Variants in NELL2 observed in about 807,000 individuals in gnomAD.
The protein encoded by NELL2 is neural EGFL like 2.
In NELL2, 41 loss-of-function variants were observed where a neutral mutation model predicts 109.6. The ratio of observed to expected loss-of-function variants is 0.37; its 90% confidence interval spans 0.29 to 0.49. The LOEUF (loss-of-function observed/expected upper bound fraction) is 0.49, where lower values mean the gene tolerates loss of function less well. Among genes scored for constraint, NELL2 ranks in the 20% least tolerant of loss-of-function variants. The probability of loss-of-function intolerance (pLI) is 0.98; values close to 1 mark genes in which losing one functional copy is unlikely to be tolerated. For synonymous variants in NELL2, 355 were observed against 344.7 expected, an observed-to-expected ratio of 1.03 and a Z score of -0.33; for missense variants, 900 against 1,008.3, an observed-to-expected ratio of 0.89 and a Z score of 1.45.
intron 13 of NELL2, among the ~76,000 whole-genome samples, chr12:44,645,409 G>A (rs914928623): frequency 1.3e-5 from 2 of 152,188 alleles, no homozygotes; most frequent in African/African-American, 4.8e-5. Context: ...ACAAAGACAA[G>A]GGTGTGGATT....
At chr12:44,866,398 G>A (rs1945001084) in intron 2 of NELL2, among the ~76,000 whole-genome samples, 1 of 151,992 alleles carries the variant, frequency 6.6e-6, no homozygotes, top group African/African-American at 2.4e-5. Flanking sequence ...GAAGGAAAGG[G>A]GAAATTAGGG....
intron 15 of NELL2, among the ~76,000 whole-genome samples, chr12:44,589,288 A>G (rs990844692): frequency 2.6e-5 from 4 of 151,954 alleles, no homozygotes; most frequent in African/African-American, 9.7e-5. Flanking sequence ...CAGAACTGCT[A>G]GGCAACAAAA....
At position 44,893,971 on chromosome 12, in the gene NELL2, G is replaced by C. The variant is rs534153223; in HGVS notation, c.39-18071C>G. Among the ~76,000 whole-genome samples, 18 of 152,034 alleles carry C rather than the reference G, an allele frequency of 1.2e-4. No homozygotes were observed. In the South Asian group the frequency reaches 3.7e-3, roughly 32 times the overall value. The stretch of plus-strand genomic sequence containing the variant: ...AAAATTAAATTCTAGAAAAATAAAC[G>C]AAAAAGACATACAAACTCAACAGAC... On this transcript the variant is annotated intron_variant, in intron 1 of 20. Transcript: ENST00000333837.
At chr12:44,637,224 G>C (rs1485569891) in intron 13 of NELL2, among the ~76,000 whole-genome samples, 2 of 151,068 alleles carry the variant, frequency 1.3e-5, no homozygotes, top group Non-Finnish European at 2.9e-5. Context: ...ATTTTTGAAG[G>C]GTTTTTTGTG....
In NELL2 at chr12:44,719,543, C is replaced by G. The variant is rs559202723; in HGVS notation, c.995-4802G>C. On this transcript the variant is annotated intron_variant, in intron 9 of 19. Transcript: ENST00000429094. Reference sequence around the variant, plus strand: ...TTAAACTTCCCAGTTGGTACCAATACCTTTAAAAATGATTCCTTACAAAAT... The same window carrying G: ...TTAAACTTCCCAGTTGGTACCAATAGCTTTAAAAATGATTCCTTACAAAAT... Among the ~76,000 whole-genome samples, 5 of 152,214 alleles carry G rather than the reference C, an allele frequency of 3.3e-5. No individual in the cohort carries two copies. In the South Asian group the frequency reaches 1.0e-3, roughly 32 times the overall value.
At chr12:44,840,355 G>A (rs1031439536) in intron 2 of NELL2, among the ~76,000 whole-genome samples, 4 of 152,112 alleles carry the variant, frequency 2.6e-5, no homozygotes, top group African/African-American at 7.2e-5. Context: ...CCTTTCTAAA[G>A]GGCCACTATA....
At chr12:44,540,796 A>AAAAAAAAAAAAAAAAAAAC in intron 15 of NELL2, among the ~76,000 whole-genome samples, 1 of 150,330 alleles carries the variant, frequency 6.7e-6, no homozygotes, top group Non-Finnish European at 1.5e-5. Flanking sequence ...AAAAAAAAAA[A>AAAAAAAAAAAAAAAAAAAC]AAGCCCATCC....
In NELL2 at chr12:44,773,914, C is replaced by T. The variant is rs181241665; in HGVS notation, c.994+833G>A. Among the ~76,000 whole-genome samples, 1,132 of 143,752 alleles carry T rather than the reference C, an allele frequency of 7.9e-3. 11 individuals are homozygous for T. The highest frequency in any genetic ancestry group is 0.044 in the South Asian group (196 of 4,426). 94.3% of individuals were successfully genotyped at this position (143,752 alleles called of 152,430 possible). ...ATTGCTACTGTCTTTCTCTCCACCC[C>T]GCCGCCACTTCTCCCTACTTTGTCT... On this transcript the variant is annotated intron_variant, in intron 9 of 19. Transcript: ENST00000429094.
At chr12:44,681,922 G>T (rs980491180) in intron 12 of NELL2, among the ~76,000 whole-genome samples, 16 of 151,544 alleles carry the variant, frequency 1.1e-4, no homozygotes, top group African/African-American at 3.4e-4. Context: ...TAGTCCTTTG[G>T]GTATATACCC....
intron 10 of NELL2, among the ~76,000 whole-genome samples, chr12:44,712,191 T>C (rs1293205243): frequency 6.6e-6 from 1 of 152,054 alleles, no homozygotes; most frequent in Non-Finnish European, 1.5e-5. Context: ...AAATAACTCT[T>C]GGAACTTGCA....
chr12:44,886,428 A>G (rs1332804254), intron 1 of NELL2, among the ~76,000 whole-genome samples: 8 of 152,064 alleles, frequency 5.3e-5, no homozygotes, highest in African/African-American at 1.9e-4. Context: ...ATATTAAAGG[A>G]CTTGTATTCA....
At chr12:44,744,828 A>T (rs999684826) in intron 9 of NELL2, among the ~76,000 whole-genome samples, 1 of 152,316 alleles carries the variant, frequency 6.6e-6, no homozygotes, top group Non-Finnish European at 1.5e-5. Flanking sequence ...ACCAACCAAA[A>T]CAAGTCCAGG....
At chr12:44,713,215 C>CACACAGAG (rs1452907003) in intron 10 of NELL2, among the ~76,000 whole-genome samples, 11 of 143,208 alleles carry the variant, frequency 7.7e-5, no homozygotes, top group South Asian at 2.2e-4. Flanking sequence ...CACACACACA[C>CACACAGAG]AGAGAGAGAC....
chr12:44,526,930 G>A (rs1195363967), intron 16 of NELL2, among the ~76,000 whole-genome samples: 1 of 152,168 alleles, frequency 6.6e-6, no homozygotes, highest in Non-Finnish European at 1.5e-5. Context: ...TTCTCAAAAA[G>A]AGCCCTTCAT....
intron 12 of NELL2, among the ~76,000 whole-genome samples, chr12:44,675,181 G>T (rs1487786257): frequency 6.6e-6 from 1 of 152,168 alleles, no homozygotes; most frequent in Non-Finnish European, 1.5e-5. Flanking sequence ...AAACAGTCTT[G>T]CATAGTAAAG....
At chr12:44,826,566 G>A (rs144953235) in intron 2 of NELL2, among the ~76,000 whole-genome samples, 14 of 152,232 alleles carry the variant, frequency 9.2e-5, no homozygotes, top group Admixed American at 2.6e-4. Flanking sequence ...GTCTTTAAAG[G>A]TGAACAATCT....
At chr12:44,742,487 G>T (rs1036607640) in intron 9 of NELL2, among the ~76,000 whole-genome samples, 2 of 152,200 alleles carry the variant, frequency 1.3e-5, no homozygotes, top group East Asian at 1.9e-4. Flanking sequence ...AGAGAAGAAG[G>T]CTTCAGACGA....
chr12:44,841,271 C>T (rs1944218922), intron 2 of NELL2, among the ~76,000 whole-genome samples: 1 of 152,124 alleles, frequency 6.6e-6, no homozygotes, highest in African/African-American at 2.4e-5. Context: ...TTTTCACATG[C>T]CTTACTTCTA....
At chr12:44,520,870 G>A (rs566608904) in intron 18 of NELL2, among the ~76,000 whole-genome samples, 1 of 152,312 alleles carries the variant, frequency 6.6e-6, no homozygotes, top group South Asian at 2.1e-4. Flanking sequence ...TGAATCTCAT[G>A]GTTTGGGAGA....
Sources: allele counts gnomAD v4.1 joint callset (sites outside exome capture counted in the v4.1 genomes callset), GRCh38; gene constraint gnomAD v4.1.1; transcripts MANE v1.5; gene names NCBI Gene and HGNC (gene_info 2026-07-23, HGNC 2026-07-21).